Variants in FAM180A observed in about 807,000 individuals in gnomAD.
FAM180A encodes protein FAM180A.
In FAM180A, 14 loss-of-function variants were observed where a neutral mutation model predicts 15.3. The observed-to-expected ratio is 0.92, with a 90% CI of 0.61 to 1.43. The LOEUF is 1.43. FAM180A is among the 40% of genes most tolerant of loss of function. FAM180A has a pLI of 0.00. For missense variants in FAM180A, 200 were observed against 220.8 expected (o/e 0.91, Z 0.60); for synonymous variants, 90 against 96.8 (o/e 0.93, Z 0.41).
In FAM180A at chr7:135,734,009, A is replaced by G; in HGVS notation, c.488T>C (p.Leu163Ser). Reference protein sequence around the residue: ...VSLFQALRHDLMRSSQPGVPP With the variant: ...VSLFQALRHDSMRSSQPGVPP ...TACTCCCGGCTGTGAGGAGCGCATC[A>G]AGTCGTGCCTCAGGGCCTGGAAGAG... The change falls in exon 3 of 4, where the codon TTG (leucine) becomes TCG (serine). Residue 163 changes from leucine to serine, a missense_variant. Coordinates refer to ENST00000338588, the MANE Select transcript of FAM180A (RefSeq NM_205855.4). The G allele has an allele frequency of 6.2e-7, 1 of 1,612,458 alleles. No individual in the cohort carries two copies. The highest frequency in any genetic ancestry group is 8.5e-7 in the Non-Finnish European group (1 of 1,179,112).
intron 2 of FAM180A, among the ~76,000 whole-genome samples, 184 bp from the exon 3 acceptor site, chr7:135,734,503 C>T (rs1244499032): frequency 2.6e-5 from 4 of 152,180 alleles, no homozygotes; most frequent in Non-Finnish European, 5.9e-5. Flanking sequence ...CTTCTCTGAG[C>T]CTCACTTTCC....
intron 1 of FAM180A, among the ~76,000 whole-genome samples, chr7:135,740,408 C>T (rs1796928689): frequency 6.6e-6 from 1 of 152,174 alleles, no homozygotes; most frequent in East Asian, 1.9e-4. Flanking sequence ...GCTGTGTGGC[C>T]GCTCTTTGTT....
chr7:135,730,065 A>C lies in FAM180A; in HGVS notation c.*546T>G, dbSNP rs1169204258. 12 of 985,246 alleles carry C rather than the reference A, an allele frequency of 1.2e-5. No individual in the cohort carries two copies. The highest frequency in any genetic ancestry group is 1.4e-5 in the Non-Finnish European group (12 of 829,902). The allele number at this position is 985,246 out of a possible 1,614,324, so 61.0% of individuals were successfully genotyped here. On this transcript the variant is annotated 3_prime_UTR_variant, in exon 4 of 4. Coordinates refer to ENST00000338588, the MANE Select transcript of FAM180A (RefSeq NM_205855.4). ...GGATTAGGAAAGTAAGGGGTGTTGT[A>C]AAAAGTCATTTAACAAGCATTTGAT... is the stretch of plus-strand genomic sequence containing the variant.
At chr7:135,733,061 G>A (rs1796811429) in intron 3 of FAM180A, among the ~76,000 whole-genome samples, 1 of 152,170 alleles carries the variant, frequency 6.6e-6, no homozygotes, top group Non-Finnish European at 1.5e-5. Flanking sequence ...TTTCTCTTCT[G>A]TGTTATGCCA....
intron 3 of FAM180A, among the ~76,000 whole-genome samples, chr7:135,732,985 T>G (rs562489794): frequency 6.6e-4 from 100 of 152,354 alleles, no homozygotes; most frequent in African/African-American, 2.1e-3. Flanking sequence ...AGACTCTTTG[T>G]GCATTAGCTT....
At chr7:135,743,996 A>G (rs1281744856) in intron 1 of FAM180A, among the ~76,000 whole-genome samples, 2 of 151,348 alleles carry the variant, frequency 1.3e-5, no homozygotes, top group Non-Finnish European at 2.9e-5. Context: ...TCTCCACCAC[A>G]CCCTCCCCTT....
intron 1 of FAM180A, among the ~76,000 whole-genome samples, chr7:135,746,889 C>G (rs1797038937): frequency 1.3e-5 from 2 of 152,206 alleles, no homozygotes; most frequent in African/African-American, 4.8e-5. Context: ...CACTTGAGGT[C>G]AGGAGTTTGA....
In FAM180A at chr7:135,748,628, C is replaced by T. The variant is rs1584756152; in HGVS notation, c.-48G>A. 2 of 1,430,362 alleles carry T rather than the reference C, an allele frequency of 1.4e-6. No individual in the cohort carries two copies. 88.6% of individuals were successfully genotyped at this position (1,430,362 alleles called of 1,614,324 possible). ...ATCGACCCTCAAGCCCAGTGGAACC[C>T]CAGTAGCTGCAGGTATGCCCGTGCC... On this transcript the variant is annotated 5_prime_UTR_variant, in exon 1 of 4. Coordinates refer to ENST00000338588, the MANE Select transcript of FAM180A (RefSeq NM_205855.4).
At chr7:135,733,522 A>AT (rs1796822672) in intron 3 of FAM180A, 124 bp downstream of exon 3, 3 of 404,600 alleles carry the variant, frequency 7.4e-6, no homozygotes, top group Non-Finnish European at 3.3e-6. Flanking sequence ...GATTTTTGTG[A>AT]TTTTAGTAGA....
intron 1 of FAM180A, among the ~76,000 whole-genome samples, chr7:135,740,606 AGGCCGAT>A (rs1237043903): frequency 1.3e-5 from 2 of 152,208 alleles, no homozygotes; most frequent in Non-Finnish European, 2.9e-5. Context: ...TATCACAGAC[AGGCCGAT>A]GGTGTCCTTC....
chr7:135,730,536 C>G (rs974996707), intron 3 of FAM180A, among the ~76,000 whole-genome samples: 1 of 152,026 alleles, frequency 6.6e-6, no homozygotes, highest in Admixed American at 6.6e-5. Context: ...AACAAACAAA[C>G]AAAAACAAAA....
chr7:135,745,855 C>G (rs1797025806), intron 1 of FAM180A, among the ~76,000 whole-genome samples: 1 of 149,864 alleles, frequency 6.7e-6, no homozygotes, highest in Non-Finnish European at 1.5e-5. Flanking sequence ...AAAGGGAGTA[C>G]TTTGAATTGA....
At chr7:135,740,010 G>A (rs1370232541) in intron 1 of FAM180A, among the ~76,000 whole-genome samples, 2 of 152,314 alleles carry the variant, frequency 1.3e-5, no homozygotes, top group East Asian at 1.9e-4. Context: ...CAGGGAAGGA[G>A]CCATGAGCTC....
Position 135,734,334 on chromosome 7 carries a change from G to T in FAM180A, c.178-15C>A. ...GCCAGCAGGAACTGGTGAGAAATGT[G>T]GATGTGCAAAAATATGAAGTGAGGC... On this transcript the variant is annotated splice_polypyrimidine_tract_variant and intron_variant, in intron 2 of 3. Transcript: ENST00000338588. 6.4e-7 allele frequency: 1 copy of T among 1,568,502 alleles called. No homozygotes were observed.
chr7:135,743,231 T>C (rs939991581), intron 1 of FAM180A, among the ~76,000 whole-genome samples: 4 of 150,992 alleles, frequency 2.6e-5, no homozygotes, highest in Non-Finnish European at 5.9e-5. Flanking sequence ...TTTTTTTTTT[T>C]TTTTTTTGAG....
chr7:135,742,099 A>G (rs1457834159), intron 1 of FAM180A, among the ~76,000 whole-genome samples: 2 of 152,058 alleles, frequency 1.3e-5, no homozygotes, highest in Non-Finnish European at 2.9e-5. Context: ...AGGGGTAGGG[A>G]CGGCTGCTGG....
intron 1 of FAM180A, among the ~76,000 whole-genome samples, chr7:135,741,545 C>G (rs1213574579): frequency 6.6e-6 from 1 of 150,746 alleles, no homozygotes; most frequent in Non-Finnish European, 1.5e-5. Context: ...AAGTGTGTAC[C>G]AGGTGTGGCA....
rs560402793 is a variant in FAM180A, at chr7:135,733,531, G to A, written c.*329+115C>T. On this transcript the variant is annotated intron_variant, in intron 3 of 3. Transcript: ENST00000338588. ...CCGGCTGATTTTTGTGATTTTAGTA[G>A]AGATGGGTTTTCACTGTGTTGCCCA... 55 of 446,424 alleles carry A rather than the reference G, an allele frequency of 1.2e-4. 2 individuals are homozygous for A. The South Asian group carries it at 4.5e-3, about 37-fold the overall frequency. 27.7% of individuals were successfully genotyped at this position (446,424 alleles called of 1,614,324 possible). A position where few individuals can be genotyped will look rare whatever the true frequency, so the allele number is the denominator to read the frequency against.
intron 1 of FAM180A, among the ~76,000 whole-genome samples, chr7:135,743,437 G>T (rs996606320): frequency 1.3e-5 from 2 of 151,858 alleles, no homozygotes; most frequent in Admixed American, 1.3e-4. Context: ...GGCTGGTCTC[G>T]AACTCCTGGC....
Sources: gnomAD v4.1 joint callset for allele counts (sites outside exome capture counted in the v4.1 genomes callset) on GRCh38, gnomAD v4.1.1 for gene constraint, MANE v1.5 for transcripts, NCBI Gene and HGNC (gene_info 2026-07-23, HGNC 2026-07-21) for gene names.